STX18: variants seen among roughly 807,000 people sequenced by gnomAD.
The protein encoded by STX18 is syntaxin 18.
Under a neutral mutation model 50.1 loss-of-function variants are expected in STX18, and 40 were observed. The observed-to-expected ratio is 0.80, with a 90% CI of 0.62 to 1.04. The LOEUF is 1.04. Ranked by LOEUF, STX18 falls within the 50% of genes least tolerant of loss-of-function variation. STX18 has a pLI of 0.00. For synonymous variants in STX18, 158 were observed against 151.8 expected (o/e 1.04, Z -0.30); for missense variants, 410 against 415.8 (o/e 0.99, Z 0.12).
intron 1 of STX18, among the ~76,000 whole-genome samples, chr4:4,509,786 A>G: frequency 6.6e-6 from 1 of 152,046 alleles, no homozygotes; most frequent in East Asian, 1.9e-4. Context: ...GAACTTACTG[A>G]AAAGATGACA....
intron 5 of STX18, among the ~76,000 whole-genome samples, chr4:4,454,802 C>A (rs908710128): frequency 6.6e-6 from 1 of 152,082 alleles, no homozygotes; most frequent in Admixed American, 6.6e-5. Flanking sequence ...TGCTGAGCCC[C>A]AATATCCTAA....
At chr4:4,473,815 G>A (rs1180294913) in intron 1 of STX18, among the ~76,000 whole-genome samples, 1 of 152,108 alleles carries the variant, frequency 6.6e-6, no homozygotes, top group Non-Finnish European at 1.5e-5. Context: ...GAAATGCGTG[G>A]GTAGAATACA....
chr4:4,513,557 C>A (rs1220581895), intron 1 of STX18, among the ~76,000 whole-genome samples: 5 of 152,168 alleles, frequency 3.3e-5, no homozygotes, highest in African/African-American at 1.2e-4. Flanking sequence ...CTTTTAGAGG[C>A]CACATTCCCC....
chr4:4,495,548 A>C (rs1729128882), intron 1 of STX18, among the ~76,000 whole-genome samples: 2 of 144,932 alleles, frequency 1.4e-5, no homozygotes, highest in African/African-American at 2.6e-5. Flanking sequence ...GTGTCTGGCT[A>C]ATTTTTTTTC....
At position 4,496,921 on chromosome 4, in the gene STX18, ACT is replaced by A. The variant is rs1326845106; in HGVS notation, c.169-25217_169-25216del. 7.9e-5 allele frequency among the ~76,000 whole-genome samples: 12 copies of A among 152,290 alleles called. No individual in the cohort carries two copies. The East Asian group carries it at 2.3e-3, about 29-fold the overall frequency. ...ACACCCTTTCAAGGAGGTGGGGAGA[ACT>A]CCTTCATAAGGCCAGGACAAACTAG... On this transcript the variant is annotated intron_variant, in intron 1 of 10. Coordinates refer to ENST00000306200, the MANE Select transcript of STX18 (RefSeq NM_016930.4).
intron 1 of STX18, among the ~76,000 whole-genome samples, chr4:4,530,789 T>G (rs1235577482): frequency 2.6e-5 from 4 of 152,078 alleles, no homozygotes; most frequent in Non-Finnish European, 5.9e-5. Context: ...TATTTTTTTA[T>G]AGCGATGAGA....
At chr4:4,541,735 C>T (rs1401329620) in intron 1 of STX18, 62 bp downstream of exon 1, 4 of 1,545,682 alleles carry the variant, frequency 2.6e-6, no homozygotes, top group Admixed American at 3.7e-5. Flanking sequence ...GTTTGGGGCC[C>T]GGGGTCCCTG....
chr4:4,431,833 C>T (rs994656009), intron 7 of STX18, among the ~76,000 whole-genome samples: 3 of 152,188 alleles, frequency 2.0e-5, no homozygotes, highest in African/African-American at 7.2e-5. Context: ...ACACTACCTT[C>T]ACTGCCACTC....
intron 1 of STX18, among the ~76,000 whole-genome samples, chr4:4,505,178 G>A (rs772644359): frequency 4.3e-4 from 65 of 152,096 alleles, no homozygotes; most frequent in Admixed American, 1.4e-3. Context: ...TTCACTTACC[G>A]TGGGGTTATG....
upstream of STX18, chr4:4,542,188 T>G (rs977770276): frequency 2.0e-6 from 1 of 509,304 alleles, no homozygotes; most frequent in Non-Finnish European, 3.3e-6. Context: ...CGCGACGCGC[T>G]CTCGGGCATC....
intron 9 of STX18, among the ~76,000 whole-genome samples, chr4:4,421,687 GTC>G (rs1406666495): frequency 3.9e-5 from 6 of 152,156 alleles, no homozygotes; most frequent in African/African-American, 9.7e-5. Flanking sequence ...TTCCCTTCTA[GTC>G]TCTCATTTCT....
intron 3 of STX18, among the ~76,000 whole-genome samples, chr4:4,457,982 C>G (rs1164509850): frequency 1.3e-5 from 2 of 152,160 alleles, no homozygotes; most frequent in Admixed American, 6.5e-5. Context: ...CCTATGACTC[C>G]TAGCCACAAA....
At chr4:4,460,662 G>T (rs1287644693) in intron 2 of STX18, among the ~76,000 whole-genome samples, 2 of 152,234 alleles carry the variant, frequency 1.3e-5, no homozygotes, top group East Asian at 3.9e-4. Flanking sequence ...CAGCCTCCTA[G>T]GGAATAGATG....
chr4:4,497,257 T>C (rs1417626759), intron 1 of STX18, among the ~76,000 whole-genome samples: 1 of 152,210 alleles, frequency 6.6e-6, no homozygotes, highest in Admixed American at 6.5e-5. Context: ...ACAGGCTGAA[T>C]TCCCAGGATT....
chr4:4,484,778 T>C (rs1322798252), intron 1 of STX18, among the ~76,000 whole-genome samples: 1 of 152,222 alleles, frequency 6.6e-6, no homozygotes, highest in African/African-American at 2.4e-5. Context: ...TGGAAAGACA[T>C]GGCTCAGGCT....
chr4:4,489,477 T>A (rs1728850239), intron 1 of STX18, among the ~76,000 whole-genome samples: 1 of 127,844 alleles, frequency 7.8e-6, no homozygotes, highest in Non-Finnish European at 1.6e-5. Context: ...CTCAGACTCC[T>A]GGGCTCAAGC....
chr4:4,515,058 T>C (rs1472202249), intron 1 of STX18, among the ~76,000 whole-genome samples: 1 of 152,138 alleles, frequency 6.6e-6, no homozygotes, highest in Admixed American at 6.5e-5. Context: ...AGTTTCACTT[T>C]CTCCATATAA....
intron 1 of STX18, among the ~76,000 whole-genome samples, chr4:4,505,626 A>AT (rs1729667335): frequency 6.6e-6 from 1 of 151,240 alleles, no homozygotes; most frequent in Non-Finnish European, 1.5e-5. Context: ...CTAAAAATAA[A>AT]AAAAAAAAAA....
At chr4:4,515,452 T>C (rs930565024) in intron 1 of STX18, among the ~76,000 whole-genome samples, 1 of 152,322 alleles carries the variant, frequency 6.6e-6, no homozygotes, top group East Asian at 1.9e-4. Flanking sequence ...TTGAACTGGC[T>C]GTGGTGGTTC....
Sources: gnomAD v4.1 joint callset for allele counts (sites outside exome capture counted in the v4.1 genomes callset) on GRCh38, gnomAD v4.1.1 for gene constraint, MANE v1.5 for transcripts, NCBI Gene and HGNC (gene_info 2026-07-23, HGNC 2026-07-21) for gene names.